ADGRB3: variants seen among roughly 807,000 people sequenced by gnomAD.
ADGRB3 encodes the protein brain-specific angiogenesis inhibitor 3.
A neutral mutation model predicts 193.4 loss-of-function variants in ADGRB3; 37 were observed. The observed-to-expected ratio is 0.19, with a 90% CI of 0.15 to 0.25. ADGRB3 has a LOEUF of 0.25. Ranked by LOEUF, ADGRB3 falls within the 10% of genes least tolerant of loss-of-function variation. The pLI is 1.00. For missense variants in ADGRB3, 1,637 were observed against 1,852.9 expected, an observed-to-expected ratio of 0.88 and a Z score of 2.14; for synonymous variants, 690 against 644.2, an observed-to-expected ratio of 1.07 and a Z score of -1.08.
At chr6:69,388,617 A>G (rs558779109) in intron 31 of ADGRB3, 86 bp from the exon 32 acceptor site, 2 of 1,284,208 alleles carry the variant, frequency 1.6e-6, no homozygotes, top group Admixed American at 5.1e-5. Flanking sequence ...GATTAAGATT[A>G]CAAACACGCT....
intron 3 of ADGRB3, among the ~76,000 whole-genome samples, chr6:68,782,802 C>A (rs1766882597): frequency 6.6e-6 from 1 of 151,766 alleles, no homozygotes; most frequent in African/African-American, 2.4e-5. Context: ...TATCCTTCGC[C>A]CACTTTTTGA....
intron 3 of ADGRB3, among the ~76,000 whole-genome samples, chr6:68,847,108 A>C (rs527932): frequency 0.21 from 32,609 of 151,968 alleles, 4,041 homozygotes; most frequent in East Asian, 0.58. Context: ...TCTGACTTGC[A>C]TGGGCCCTGT....
intron 13 of ADGRB3, among the ~76,000 whole-genome samples, chr6:69,028,869 C>A (rs1480720154): frequency 6.6e-6 from 1 of 152,138 alleles, no homozygotes; most frequent in Non-Finnish European, 1.5e-5. Context: ...ATTCCTCAAG[C>A]TTTCTAAGAA....
At chr6:69,100,793 G>C (rs182022596) in intron 17 of ADGRB3, among the ~76,000 whole-genome samples, 1 of 139,416 alleles carries the variant, frequency 7.2e-6, no homozygotes, top group Non-Finnish European at 1.5e-5. Flanking sequence ...TTTAATAGAC[G>C]GAAGGAAAAA....
intron 6 of ADGRB3, among the ~76,000 whole-genome samples, chr6:68,951,808 G>A (rs1052096661): frequency 3.9e-5 from 6 of 152,104 alleles, no homozygotes; most frequent in Non-Finnish European, 8.8e-5. Flanking sequence ...TACACAAGGA[G>A]CAGGCATTGA....
intron 3 of ADGRB3, among the ~76,000 whole-genome samples, chr6:68,862,006 A>G (rs1311655119): frequency 1.3e-5 from 2 of 151,758 alleles, no homozygotes; most frequent in Non-Finnish European, 2.9e-5. Context: ...GTTCTTGCCC[A>G]CTCTTGCTTC....
chr6:68,831,421 A>G (rs1442953519), intron 3 of ADGRB3, among the ~76,000 whole-genome samples: 1 of 151,698 alleles, frequency 6.6e-6, no homozygotes, highest in Non-Finnish European at 1.5e-5. Flanking sequence ...TGAGAAAAGG[A>G]GTGTAGAGCT....
At chr6:69,041,635 A>T (rs1250243077) in intron 13 of ADGRB3, among the ~76,000 whole-genome samples, 1 of 143,038 alleles carries the variant, frequency 7.0e-6, no homozygotes. Flanking sequence ...TTTTTTTTTG[A>T]GAGTCTCACT....
chr6:68,990,916 A>G (rs1306260904), intron 10 of ADGRB3, among the ~76,000 whole-genome samples: 1 of 152,186 alleles, frequency 6.6e-6, no homozygotes, highest in Non-Finnish European at 1.5e-5. Context: ...TGCCAGCACA[A>G]AACTGAGGAC....
intron 13 of ADGRB3, among the ~76,000 whole-genome samples, chr6:69,044,104 C>A (rs1771167115): frequency 6.6e-6 from 1 of 152,100 alleles, no homozygotes; most frequent in Non-Finnish European, 1.5e-5. Flanking sequence ...TCTGTAAAAT[C>A]TAGGATAAAT....
chr6:69,109,191 T>G (rs542015863), intron 17 of ADGRB3, among the ~76,000 whole-genome samples: 1 of 151,372 alleles, frequency 6.6e-6, no homozygotes, highest in African/African-American at 2.4e-5. Flanking sequence ...TTTGATGACA[T>G]TTTAGACAAG....
At chr6:68,751,223 T>C (rs942374953) in intron 3 of ADGRB3, among the ~76,000 whole-genome samples, 4 of 152,140 alleles carry the variant, frequency 2.6e-5, no homozygotes, top group Non-Finnish European at 5.9e-5. Context: ...AACACAAAAC[T>C]CCTCACTGGG....
intron 3 of ADGRB3, among the ~76,000 whole-genome samples, chr6:68,927,187 C>T (rs1456692359): frequency 6.6e-6 from 1 of 152,104 alleles, no homozygotes; most frequent in Non-Finnish European, 1.5e-5. Context: ...TTATGCTATA[C>T]ATTATTTCAT....
At position 68,993,202 on chromosome 6, in the gene ADGRB3, A is replaced by T. The variant is rs561433033; in HGVS notation, c.1735-566A>T. Among the ~76,000 whole-genome samples, 82 of 85,276 alleles carry T rather than the reference A, an allele frequency of 9.6e-4. 1 individual carries two copies. The Middle Eastern group carries it at 0.033, about 34-fold the overall frequency. The allele number at this position is 85,276 out of a possible 152,430, so 55.9% of individuals were successfully genotyped here. ...CAATTGTTTTTGCTGTTTTTTTTTA[A>T]AAAAAAAGCTAAAGCAATCTGGTTT... On this transcript the variant is annotated intron_variant, in intron 10 of 31. Transcript: ENST00000370598.
rs186876731 is a variant in ADGRB3 at position 68,884,937 on chromosome 6, T to G, written c.758-45622T>G. On this transcript the variant is annotated intron_variant, in intron 3 of 31. Transcript: ENST00000370598. ...TACATCAATTTGAAGATCACTGATA[T>G]AAAACCCAGTACCTAATCTTAGGAA... Among the ~76,000 whole-genome samples, 414 of 152,262 alleles carry G rather than the reference T, an allele frequency of 2.7e-3. 3 individuals carry two copies. Among genetic ancestry groups the G allele is most frequent in the Non-Finnish European group, 5.1e-3 (345 of 68,012 alleles).
intron 29 of ADGRB3, among the ~76,000 whole-genome samples, chr6:69,371,203 C>T (rs1252824373): frequency 6.6e-6 from 1 of 152,042 alleles, no homozygotes; most frequent in East Asian, 1.9e-4. Flanking sequence ...TCGGCATGTC[C>T]CCTTCTGTCT....
intron 19 of ADGRB3, 45 bp downstream of exon 19, chr6:69,235,180 C>A: frequency 7.3e-7 from 1 of 1,371,128 alleles, no homozygotes; most frequent in Non-Finnish European, 1.0e-6. Context: ...CTTAGTTGTT[C>A]ATAGTTAAAT....
chr6:69,127,410 C>T (rs561540880), intron 17 of ADGRB3, among the ~76,000 whole-genome samples: 1 of 152,226 alleles, frequency 6.6e-6, no homozygotes, highest in East Asian at 1.9e-4. Flanking sequence ...GAATCATTTC[C>T]TGCTTATTGT....
At chr6:69,338,787 G>A (rs1469263028) in intron 24 of ADGRB3, 129 bp from the exon 25 acceptor site, 3 of 756,564 alleles carry the variant, frequency 4.0e-6, no homozygotes, top group African/African-American at 1.7e-5. Flanking sequence ...CAACAACCTA[G>A]AGCATACATT....
Sources: gnomAD v4.1 joint callset for allele counts (sites outside exome capture counted in the v4.1 genomes callset) on GRCh38, gnomAD v4.1.1 for gene constraint, MANE v1.5 for transcripts, NCBI Gene and HGNC (gene_info 2026-07-23, HGNC 2026-07-21) for gene names.